The following DISP1 variants were observed in gnomAD, a reference collection of about 807,000 sequenced individuals.
The protein encoded by DISP1 is dispatched RND transporter family member 1.
DISP1 carries 30 observed loss-of-function variants against 37.3 expected under a neutral mutation model. The ratio of observed to expected loss-of-function variants is 0.80; its 90% confidence interval spans 0.60 to 1.09. The LOEUF (loss-of-function observed/expected upper bound fraction) is 1.09, where lower values mean the gene tolerates loss of function less well. DISP1 is among the 50% of genes least tolerant of loss of function. The pLI, the probability that DISP1 is intolerant of heterozygous loss-of-function variation, is 0.00. For synonymous variants in DISP1, 634 were observed against 690.2 expected (o/e 0.92, Z 1.28); for missense variants, 1,598 against 1,879.5 (o/e 0.85, Z 2.77).
intron 4 of DISP1, among the ~76,000 whole-genome samples, chr1:222,988,551 T>C (rs769291619): frequency 6.6e-6 from 1 of 151,766 alleles, no homozygotes; most frequent in Non-Finnish European, 1.5e-5. Flanking sequence ...TATTTATTTA[T>C]TTATTTTTAT....
At chr1:222,885,365 G>A (rs1159443060) in intron 1 of DISP1, among the ~76,000 whole-genome samples, 1 of 151,604 alleles carries the variant, frequency 6.6e-6, no homozygotes, top group Non-Finnish European at 1.5e-5. Context: ...CGTTCCACAT[G>A]TTTTTGAGCA....
At chr1:222,985,136 AG>A (rs1280255277) in intron 4 of DISP1, among the ~76,000 whole-genome samples, 1 of 152,236 alleles carries the variant, frequency 6.6e-6, no homozygotes, top group East Asian at 1.9e-4. Context: ...TTCTATAAAT[AG>A]GGCTTTTGCA....
intron 8 of DISP1, among the ~76,000 whole-genome samples, chr1:222,999,816 G>T (rs1033452118): frequency 1.3e-5 from 2 of 152,108 alleles, no homozygotes; most frequent in East Asian, 1.9e-4. Context: ...AACCAGTCAC[G>T]ATGTCTTTTC....
chr1:222,894,992 A>G (rs1051330227), intron 1 of DISP1, among the ~76,000 whole-genome samples: 1 of 152,232 alleles, frequency 6.6e-6, no homozygotes, highest in African/African-American at 2.4e-5. Flanking sequence ...TTAAGGACCC[A>G]CAGGTAGAAA....
chr1:222,874,663 A>AT lies in DISP1; in HGVS notation c.-158-53759dup, dbSNP rs1024648758. 7.3e-5 allele frequency among the ~76,000 whole-genome samples: 11 copies of AT among 151,472 alleles called. No individual in the cohort carries two copies. The Middle Eastern group carries it at 0.01, about 141-fold the overall frequency. On this transcript the variant is annotated intron_variant, in intron 1 of 8. Transcript: ENST00000675850. ...GTTATTCTAGTTATCCATTCGTCTA[A>AT]TTTTTTTTCAAAGTTTTTAACTTCT...
intron 1 of DISP1, among the ~76,000 whole-genome samples, chr1:222,892,104 T>G (rs1286451155): frequency 6.6e-6 from 1 of 152,200 alleles, no homozygotes; most frequent in Non-Finnish European, 1.5e-5. Flanking sequence ...TTTTATGTTT[T>G]TCTAGATTCC....
At chr1:222,868,022 G>A (rs897778731) in intron 1 of DISP1, among the ~76,000 whole-genome samples, 1 of 152,140 alleles carries the variant, frequency 6.6e-6, no homozygotes, top group African/African-American at 2.4e-5. Context: ...CAAGAGGAGG[G>A]CGAATGATTA....
rs2102801153 is a variant in DISP1, at chr1:223,003,666, T to C, written c.2269T>C (p.Ser757Pro). The change falls in exon 9 of 9, where the codon TCG becomes CCG. Residue 757 changes from serine to proline, a missense_variant. Physicochemically the swap from Ser to Pro is moderately conservative, Grantham distance 74. Transcript: ENST00000675850. This position sits in a 1 kb window ranked among gnomAD's most constrained non-coding sequence, Gnocchi z 4.3. ...LELSEFQVFR[S>P]SHPFERYDAE... is the part of the protein sequence containing the mutation. The stretch of plus-strand genomic sequence containing the variant: ...GTTATCCGAGTTCCAGGTGTTCCGG[T>C]CGTCCCATCCTTTTGAGCGTTATGA... 6.2e-7 allele frequency: 1 copy of C among 1,614,152 alleles called. No homozygotes were observed. The highest frequency in any genetic ancestry group is 1.3e-5 in the African/African-American group (1 of 75,034).
At chr1:222,908,381 A>G (rs982363939) in intron 1 of DISP1, among the ~76,000 whole-genome samples, 3 of 152,094 alleles carry the variant, frequency 2.0e-5, no homozygotes, top group African/African-American at 7.2e-5. Flanking sequence ...GGGTTGTGTG[A>G]GGAACAGATA....
Position 223,003,731 on chromosome 1 carries a change from C to T in DISP1, c.2334C>T (p.His778=), listed in dbSNP as rs749468094. The change falls in exon 9 of 9, where the codon CAC becomes CAT. Residue 778 remains histidine, a synonymous_variant. Coordinates refer to ENST00000675850, the MANE Select transcript of DISP1 (RefSeq NM_001377229.1). The surrounding 1 kb of genome is among the most constrained non-coding windows in gnomAD (Gnocchi z 4.3). ...AGCTTTTCATGTTTGAACGTGTTCA[C>T]CATGGCGAGGAGCTCCACATGCCCA... ...YKKLFMFERV[H]HGEELHMPIT... is the part of the protein sequence containing the mutation. The T allele has an allele frequency of 6.2e-7, 1 of 1,614,140 alleles. No homozygotes were observed. Among genetic ancestry groups the T allele is most frequent in the Non-Finnish European group, 8.5e-7 (1 of 1,180,048 alleles).
intron 3 of DISP1, among the ~76,000 whole-genome samples, chr1:222,944,639 T>G (rs949781988): frequency 6.6e-6 from 1 of 152,216 alleles, no homozygotes; most frequent in Non-Finnish European, 1.5e-5. Flanking sequence ...CTTTCTCAGT[T>G]ATTCCCTCTG....
intron 1 of DISP1, among the ~76,000 whole-genome samples, chr1:222,907,864 G>C (rs1325265756): frequency 1.3e-5 from 2 of 152,156 alleles, no homozygotes; most frequent in Non-Finnish European, 2.9e-5. Context: ...CAGGAGAATT[G>C]CTTGAACCCT....
At chr1:222,892,037 A>G (rs1377443445) in intron 1 of DISP1, among the ~76,000 whole-genome samples, 7 of 152,120 alleles carry the variant, frequency 4.6e-5, no homozygotes, top group Admixed American at 2.0e-4. Flanking sequence ...ACCTTACATA[A>G]AGATACGTAA....
intron 1 of DISP1, among the ~76,000 whole-genome samples, chr1:222,816,885 A>G (rs1415270804): frequency 6.6e-6 from 1 of 152,210 alleles, no homozygotes; most frequent in African/African-American, 2.4e-5. Flanking sequence ...GTTTAAGTAG[A>G]CAATATTGTT....
intron 4 of DISP1, 97 bp from the exon 5 acceptor site, chr1:222,990,528 G>C (rs1406637471): frequency 1.9e-6 from 3 of 1,594,074 alleles, no homozygotes; most frequent in South Asian, 1.1e-5. Flanking sequence ...GCTGTCTTAG[G>C]TACCAAAAAT....
intron 2 of DISP1, among the ~76,000 whole-genome samples, chr1:222,940,832 T>A (rs1291481748): frequency 6.6e-6 from 1 of 152,204 alleles, no homozygotes; most frequent in Non-Finnish European, 1.5e-5. Flanking sequence ...CTGCAGTGAT[T>A]TCTTTGAATG....
At chr1:222,955,025 C>T (rs1675494725) in intron 3 of DISP1, among the ~76,000 whole-genome samples, 2 of 151,612 alleles carry the variant, frequency 1.3e-5, no homozygotes, top group South Asian at 4.2e-4. Context: ...CATCACAATA[C>T]ATTCTAGTTA....
intron 1 of DISP1, among the ~76,000 whole-genome samples, chr1:222,907,991 A>G (rs749794184): frequency 4.6e-5 from 7 of 152,176 alleles, no homozygotes; most frequent in Non-Finnish European, 8.8e-5. Context: ...ATTATTTAGT[A>G]TGGCTGTGCA....
chr1:222,922,694 A>T (rs1358896214), intron 1 of DISP1, among the ~76,000 whole-genome samples: 2 of 152,128 alleles, frequency 1.3e-5, no homozygotes, highest in African/African-American at 2.4e-5. Flanking sequence ...GTCCTTAGAG[A>T]GTAGAAGCTG....
Sources: allele counts gnomAD v4.1 joint callset (sites outside exome capture counted in the v4.1 genomes callset), GRCh38; gene constraint gnomAD v4.1.1; non-coding constraint Gnocchi (gnomAD v3.1); transcripts MANE v1.5; gene names NCBI Gene and HGNC (gene_info 2026-07-23, HGNC 2026-07-21).